ENPP6: variants seen among roughly 807,000 people sequenced by gnomAD.
ENPP6 encodes the protein ectonucleotide pyrophosphatase/phosphodiesterase 6.
A neutral mutation model predicts 42.0 loss-of-function variants in ENPP6; 32 were observed. The ratio of observed to expected loss-of-function variants is 0.76; its 90% CI spans 0.58 to 1.02. The LOEUF (loss-of-function observed/expected upper bound fraction) is 1.02, where lower values mean the gene tolerates loss of function less well. Among genes scored for constraint, ENPP6 ranks in the 50% least tolerant of loss-of-function variants. The pLI is 0.00. For synonymous variants in ENPP6, 213 were observed against 216.0 expected, an observed-to-expected ratio of 0.99 and a Z score of 0.12; for missense variants, 552 against 566.8, an observed-to-expected ratio of 0.97 and a Z score of 0.27.
intron 7 of ENPP6, among the ~76,000 whole-genome samples, chr4:184,095,656 A>G (rs1048957263): frequency 1.7e-5 from 1 of 57,926 alleles, no homozygotes; most frequent in Admixed American, 2.5e-4. Context: ...AACTGTCTCA[A>G]AAAAAAAAAA....
chr4:184,203,451 T>C (rs562229203), intron 1 of ENPP6, among the ~76,000 whole-genome samples: 16 of 152,330 alleles, frequency 1.1e-4, no homozygotes, highest in Admixed American at 9.8e-4. Context: ...GAATGTGACC[T>C]TATTAGAAAT....
intron 3 of ENPP6, among the ~76,000 whole-genome samples, chr4:184,119,522 A>G (rs1736380556): frequency 6.6e-6 from 1 of 152,140 alleles, no homozygotes; most frequent in African/African-American, 2.4e-5. Context: ...TTGGAACTAG[A>G]CAAATTCGGG....
chr4:184,131,258 C>CTTTCTTTCCTTCTT (rs1289670998), intron 2 of ENPP6, among the ~76,000 whole-genome samples: 4 of 36,188 alleles, frequency 1.1e-4, no homozygotes, highest in East Asian at 6.6e-4. Flanking sequence ...CTTTCTCTTT[C>CTTTCTTTCCTTCTT]TCTTCCTTCC....
At chr4:184,102,082 A>G (rs1016188653) in intron 6 of ENPP6, among the ~76,000 whole-genome samples, 1 of 152,234 alleles carries the variant, frequency 6.6e-6, no homozygotes, top group Non-Finnish European at 1.5e-5. Context: ...TAATTTCTAG[A>G]CCAGGCCTTT....
At position 184,209,267 on chromosome 4, in the gene ENPP6, T is replaced by C. The variant is rs571584157; in HGVS notation, c.241+8312A>G. 6.7e-4 allele frequency among the ~76,000 whole-genome samples: 101 copies of C among 150,480 alleles called. 1 individual carries two copies. In the South Asian group the frequency reaches 0.012, roughly 17 times the overall value. On this transcript the variant is annotated intron_variant, in intron 1 of 7. Coordinates refer to ENST00000296741, the MANE Select transcript of ENPP6 (RefSeq NM_153343.4). ...CTTTGACGAGCTGAGAGAAGAAGGCTTCAGACGATCAAATTACTCTGAGCT... is the reference window on the plus strand; with the variant it reads ...CTTTGACGAGCTGAGAGAAGAAGGCCTCAGACGATCAAATTACTCTGAGCT...
chr4:184,216,892 G>A (rs1375684921), intron 1 of ENPP6: 7 of 152,162 alleles, frequency 4.6e-5, no homozygotes, highest in Admixed American at 1.3e-4. Flanking sequence ...TGGGTTAGCC[G>A]AGGTTTTTGT....
chr4:184,105,071 G>A (rs988520808), intron 6 of ENPP6, among the ~76,000 whole-genome samples: 5 of 152,212 alleles, frequency 3.3e-5, no homozygotes, highest in Admixed American at 3.3e-4. Flanking sequence ...TAGGCTGATT[G>A]AAGTTACTTG....
intron 1 of ENPP6, among the ~76,000 whole-genome samples, chr4:184,189,179 C>T (rs572346004): frequency 4.6e-5 from 7 of 152,250 alleles, no homozygotes; most frequent in African/African-American, 1.4e-4. Context: ...TCCTCTCAGC[C>T]GCCTTCCTTT....
Position 184,178,386 on chromosome 4 carries a change from C to G in ENPP6, c.242-24653G>C, listed in dbSNP as rs560293191. ...ATGGGATTAGGTAAAAAGACCAAAC[C>G]TATGACTGATTGGGGTACCTGAAAG... On this transcript the variant is annotated intron_variant, in intron 1 of 7. Coordinates refer to ENST00000296741, the MANE Select transcript of ENPP6 (RefSeq NM_153343.4). Among the ~76,000 whole-genome samples, 5 of 152,272 alleles carry G rather than the reference C, an allele frequency of 3.3e-5. No individual in the cohort carries two copies. The East Asian group carries it at 9.6e-4, about 29-fold the overall frequency.
At chr4:184,102,666 C>T (rs776558537) in intron 6 of ENPP6, among the ~76,000 whole-genome samples, 13 of 152,206 alleles carry the variant, frequency 8.5e-5, no homozygotes, top group Admixed American at 1.3e-4. Flanking sequence ...CGAGCAGAGG[C>T]GCTGTTGCAG....
chr4:184,117,993 C>T (rs1736353526), intron 3 of ENPP6, 93 bp from the exon 4 acceptor site: 18 of 1,448,090 alleles, frequency 1.2e-5, no homozygotes, highest in South Asian at 5.6e-5. Context: ...GGTGTTCACG[C>T]CCCCCGAAAC....
At chr4:184,125,568 G>A (rs1736489854) in intron 2 of ENPP6, among the ~76,000 whole-genome samples, 1 of 152,036 alleles carries the variant, frequency 6.6e-6, no homozygotes, top group South Asian at 2.1e-4. Context: ...CTGCCAGCTG[G>A]TTACAGCTGA....
intron 1 of ENPP6, among the ~76,000 whole-genome samples, chr4:184,181,478 A>G (rs1025026996): frequency 2.0e-5 from 3 of 152,228 alleles, no homozygotes; most frequent in Non-Finnish European, 4.4e-5. Flanking sequence ...TTAAACTACC[A>G]TTGACATTCT....
intron 2 of ENPP6, among the ~76,000 whole-genome samples, chr4:184,126,074 T>C (rs1448584685): frequency 6.6e-6 from 1 of 152,238 alleles, no homozygotes; most frequent in East Asian, 1.9e-4. Context: ...GACACATCTG[T>C]ATGTAAATTG....
chr4:184,096,965 T>TA (rs1424398516), intron 7 of ENPP6, among the ~76,000 whole-genome samples: 1 of 152,136 alleles, frequency 6.6e-6, no homozygotes, highest in Non-Finnish European at 1.5e-5. Context: ...ATGAATTAGG[T>TA]AAAAAATGAA....
At chr4:184,181,643 G>A (rs535540014) in intron 1 of ENPP6, among the ~76,000 whole-genome samples, 48 of 152,292 alleles carry the variant, frequency 3.2e-4, no homozygotes, top group African/African-American at 1.1e-3. Context: ...AAAACAGCAT[G>A]ATATTGATAC....
chr4:184,134,541 C>T (rs1736699283), intron 2 of ENPP6, among the ~76,000 whole-genome samples: 1 of 152,016 alleles, frequency 6.6e-6, no homozygotes. Context: ...CACTGTATTA[C>T]TGGCTTTTTA....
Position 184,184,962 on chromosome 4 carries a change from GGA to G in ENPP6, c.242-31231_242-31230del, listed in dbSNP as rs1214187014. On this transcript the variant is annotated intron_variant, in intron 1 of 7. Coordinates refer to ENST00000296741, the MANE Select transcript of ENPP6 (RefSeq NM_153343.4). The surrounding 1 kb of genome is among the most constrained non-coding windows in gnomAD (Gnocchi z 4.7). Reference sequence around the variant, plus strand: ...GCGAGACAGGAGGAATGGGAGGAGAGGAGCTGCGTCACATCTAATGAGACAGC... The same window carrying G: ...GCGAGACAGGAGGAATGGGAGGAGAGGCTGCGTCACATCTAATGAGACAGC... Among the ~76,000 whole-genome samples, 1 of 152,230 alleles carries G rather than the reference GGA, an allele frequency of 6.6e-6. No homozygotes were observed. The highest frequency in any genetic ancestry group is 1.5e-5 in the Non-Finnish European group (1 of 68,044).
At chr4:184,188,578 A>C (rs1732671060) in intron 1 of ENPP6, among the ~76,000 whole-genome samples, 1 of 152,188 alleles carries the variant, frequency 6.6e-6, no homozygotes, top group African/African-American at 2.4e-5. Context: ...ATGAGACCAC[A>C]CACAGGCATC....
Sources: gnomAD v4.1 joint callset for allele counts (sites outside exome capture counted in the v4.1 genomes callset) on GRCh38, gnomAD v4.1.1 for gene constraint, Gnocchi (gnomAD v3.1) non-coding constraint, MANE v1.5 for transcripts, NCBI Gene and HGNC (gene_info 2026-07-23, HGNC 2026-07-21) for gene names.